Variants in CTNNA3 observed in about 807,000 individuals in gnomAD.
CTNNA3 encodes catenin alpha 3.
Under a neutral mutation model 95.7 loss-of-function variants are expected in CTNNA3, and 76 were observed. The ratio of observed to expected loss-of-function variants is 0.79; its 90% CI spans 0.66 to 0.96. CTNNA3 has a LOEUF of 0.96. CTNNA3 is among the 40% of genes least tolerant of loss of function. CTNNA3 has a pLI of 0.00. For missense variants in CTNNA3, 1,191 were observed against 1,089.8 expected (o/e 1.09, Z -1.31); for synonymous variants, 431 against 374.4 (o/e 1.15, Z -1.74).
intron 5 of CTNNA3, among the ~76,000 whole-genome samples, chr10:67,501,888 C>T (rs182759595): frequency 6.6e-6 from 1 of 152,260 alleles, no homozygotes; most frequent in African/African-American, 2.4e-5. Context: ...AGGTTCTTAG[C>T]TTCCTTGCAT....
chr10:65,936,151 T>A (rs989029768), intron 17 of CTNNA3, among the ~76,000 whole-genome samples: 1 of 152,180 alleles, frequency 6.6e-6, no homozygotes, highest in African/African-American at 2.4e-5. Flanking sequence ...GAGTTTACAA[T>A]TGGACTTAGA....
At position 66,092,725 on chromosome 10, in the gene CTNNA3, G is replaced by A. The variant is rs2081257583; in HGVS notation, c.1977+10432C>T. On this transcript the variant is annotated intron_variant, in intron 14 of 17. Coordinates refer to ENST00000433211, the MANE Select transcript of CTNNA3 (RefSeq NM_013266.4). ...TGTCCATGTTATAAGGTGGAAAACG[G>A]GCATTTTTGAATACCAACGTTCTAC... 2.0e-5 allele frequency among the ~76,000 whole-genome samples: 3 copies of A among 151,654 alleles called. No homozygotes were observed. In the South Asian group the frequency reaches 6.2e-4, roughly 32 times the overall value.
At chr10:67,633,501 C>G (rs554660492) in intron 2 of CTNNA3, among the ~76,000 whole-genome samples, 313 of 152,286 alleles carry the variant, frequency 2.1e-3, no homozygotes, top group African/African-American at 5.9e-3. Context: ...GTCAGTACCC[C>G]CACTGGGACA....
chr10:66,466,272 C>T (rs1415949480), intron 11 of CTNNA3, among the ~76,000 whole-genome samples: 2 of 151,338 alleles, frequency 1.3e-5, no homozygotes, highest in African/African-American at 2.4e-5. Context: ...ACAAGTCAAT[C>T]CCTTAAAATA....
At chr10:67,001,307 A>T (rs901495268) in intron 7 of CTNNA3, among the ~76,000 whole-genome samples, 4 of 150,996 alleles carry the variant, frequency 2.6e-5, no homozygotes, top group Admixed American at 6.6e-5. Context: ...CTAAAAAAAA[A>T]AAAAAGAAAA....
chr10:66,207,111 A>G (rs902865667), intron 13 of CTNNA3, among the ~76,000 whole-genome samples: 1 of 151,476 alleles, frequency 6.6e-6, no homozygotes, highest in African/African-American at 2.4e-5. Flanking sequence ...GAGAAAGATT[A>G]TAAGACTAAC....
chr10:66,327,181 TA>T (rs2092264373), intron 12 of CTNNA3, among the ~76,000 whole-genome samples: 1 of 152,068 alleles, frequency 6.6e-6, no homozygotes. Flanking sequence ...GCGACAACAC[TA>T]AATTTGATTG....
chr10:67,427,027 G>T (rs1399316884), intron 5 of CTNNA3, among the ~76,000 whole-genome samples: 1 of 151,924 alleles, frequency 6.6e-6, no homozygotes, highest in Non-Finnish European at 1.5e-5. Context: ...TTAGTGCGTG[G>T]TAATTAATTT....
At chr10:67,611,811 C>T (rs977685639) in intron 2 of CTNNA3, among the ~76,000 whole-genome samples, 1 of 152,126 alleles carries the variant, frequency 6.6e-6, no homozygotes, top group Non-Finnish European at 1.5e-5. Context: ...CTCACAGGAG[C>T]CTTCAGGGCT....
intron 5 of CTNNA3, among the ~76,000 whole-genome samples, chr10:67,270,536 GTTCTTGGATAAAC>G (rs1370475422): frequency 1.3e-4 from 20 of 152,108 alleles, no homozygotes; most frequent in African/African-American, 4.8e-4. Context: ...CACCATTCTA[GTTCTTGGATAAAC>G]TTTTGGAGAG....
chr10:66,241,760 T>A (rs964716538), intron 13 of CTNNA3, among the ~76,000 whole-genome samples: 3 of 151,746 alleles, frequency 2.0e-5, no homozygotes, highest in East Asian at 3.9e-4. Flanking sequence ...CCTAAATAAT[T>A]GTCTTAAATA....
At chr10:65,943,671 C>T (rs2077464762) in intron 17 of CTNNA3, among the ~76,000 whole-genome samples, 1 of 152,142 alleles carries the variant, frequency 6.6e-6, no homozygotes, top group Non-Finnish European at 1.5e-5. Context: ...CTTTATGATT[C>T]AATTTCATCT....
intron 7 of CTNNA3, among the ~76,000 whole-genome samples, chr10:66,996,057 A>G (rs1423809113): frequency 6.6e-6 from 1 of 152,132 alleles, no homozygotes; most frequent in East Asian, 1.9e-4. Context: ...TTATTTACAT[A>G]TTTTGTAATA....
chr10:66,741,453 G>T (rs902822624), intron 9 of CTNNA3, among the ~76,000 whole-genome samples: 1 of 152,158 alleles, frequency 6.6e-6, no homozygotes, highest in African/African-American at 2.4e-5. Context: ...TATAAGGCTG[G>T]GCCGAGATGG....
At position 66,259,116 on chromosome 10, in the gene CTNNA3, C is replaced by T. The variant is rs76022132; in HGVS notation, c.1884+21354G>A. ...AATGCTCTCATTAAGTTTATATCAT[C>T]CAGGTTACGATTCCACCTACAGATG... On this transcript the variant is annotated intron_variant, in intron 13 of 17. Coordinates refer to ENST00000433211, the MANE Select transcript of CTNNA3 (RefSeq NM_013266.4). 4.4e-3 allele frequency among the ~76,000 whole-genome samples: 675 copies of T among 152,218 alleles called. 3 individuals are homozygous for T. Among genetic ancestry groups the T allele is most frequent in the Non-Finnish European group, 7.2e-3 (490 of 68,004 alleles).
chr10:67,716,227 T>A (rs926096924), intron 1 of CTNNA3, among the ~76,000 whole-genome samples: 5 of 152,116 alleles, frequency 3.3e-5, no homozygotes, highest in African/African-American at 1.2e-4. Flanking sequence ...TTTTCAGGTA[T>A]CCCTAAAAAG....
chr10:67,144,460 T>C (rs1860747967), intron 7 of CTNNA3, among the ~76,000 whole-genome samples: 1 of 152,248 alleles, frequency 6.6e-6, no homozygotes, highest in South Asian at 2.1e-4. Flanking sequence ...AACAGAAGAC[T>C]GTTTTATCTA....
At chr10:66,820,953 A>G (rs1842286158) in intron 7 of CTNNA3, among the ~76,000 whole-genome samples, 1 of 152,232 alleles carries the variant, frequency 6.6e-6, no homozygotes, top group African/African-American at 2.4e-5. Context: ...ACACCCCTTT[A>G]TATTTTGCCT....
At chr10:65,980,019 A>G (rs1039648706) in intron 16 of CTNNA3, among the ~76,000 whole-genome samples, 2 of 152,076 alleles carry the variant, frequency 1.3e-5, no homozygotes, top group Non-Finnish European at 2.9e-5. Context: ...AAAATACAAA[A>G]AATAAATGAA....
Sources: allele counts gnomAD v4.1 joint callset (sites outside exome capture counted in the v4.1 genomes callset), GRCh38; gene constraint gnomAD v4.1.1; transcripts MANE v1.5; gene names NCBI Gene and HGNC (gene_info 2026-07-23, HGNC 2026-07-21).